The following CDH18 variants were observed in gnomAD, a reference collection of about 807,000 sequenced individuals.
The protein encoded by CDH18 is cadherin-18.
A neutral mutation model predicts 67.9 loss-of-function variants in CDH18; 31 were observed. The ratio of observed to expected loss-of-function variants is 0.46; its 90% CI spans 0.34 to 0.62. CDH18 has a LOEUF of 0.62. Ranked by LOEUF, CDH18 falls within the 20% of genes least tolerant of loss-of-function variation. The pLI, the probability that CDH18 is intolerant of heterozygous loss-of-function variation, is 0.01. For missense variants in CDH18, 890 were observed against 975.5 expected, an observed-to-expected ratio of 0.91 and a Z score of 1.17; for synonymous variants, 362 against 347.2, an observed-to-expected ratio of 1.04 and a Z score of -0.48.
intron 2 of CDH18, among the ~76,000 whole-genome samples, chr5:20,212,826 T>C (rs1482059851): frequency 6.6e-6 from 1 of 152,132 alleles, no homozygotes; most frequent in East Asian, 1.9e-4. Context: ...ATGAGGACCT[T>C]GCTCTGTATT....
chr5:20,400,915 T>C (rs992125799), intron 1 of CDH18, among the ~76,000 whole-genome samples: 6 of 152,214 alleles, frequency 3.9e-5, no homozygotes, highest in African/African-American at 1.4e-4. Flanking sequence ...TTCAGAAATG[T>C]TTTCCCTCTT....
chr5:19,584,827 G>GAAAAAGA (rs1237991766), intron 7 of CDH18, among the ~76,000 whole-genome samples: 1 of 122,020 alleles, frequency 8.2e-6, no homozygotes, highest in Non-Finnish European at 1.8e-5. Flanking sequence ...AAAAGAAAAA[G>GAAAAAGA]AAAAAGAAAA....
Position 20,549,351 on chromosome 5 carries a change from T to C in CDH18, c.-580+26111A>G, listed in dbSNP as rs561511757. On this transcript the variant is annotated intron_variant, in intron 1 of 14. Transcript: ENST00000507958. ...ACTTCTTAATAGGTAAAATACAGTTTGCAAGATCAGGTGTCTGTGTGTCTT... is the reference window on the plus strand; with the variant it reads ...ACTTCTTAATAGGTAAAATACAGTTCGCAAGATCAGGTGTCTGTGTGTCTT... 1.6e-4 allele frequency among the ~76,000 whole-genome samples: 25 copies of C among 152,292 alleles called. No homozygotes were observed. The South Asian group carries it at 4.3e-3, about 26-fold the overall frequency.
Position 20,130,037 on chromosome 5 carries a change from C to A in CDH18, c.-518+125407G>T, listed in dbSNP as rs147875286. Among the ~76,000 whole-genome samples the A allele has an allele frequency of 2.3e-3, 334 of 146,936 alleles. 3 individuals are homozygous for A. The highest frequency in any genetic ancestry group is 7.9e-3 in the African/African-American group (314 of 39,508). On this transcript the variant is annotated intron_variant, in intron 2 of 14. Transcript: ENST00000507958. ...CTAGTCTTGGTGGAAAGTACCTATACAGATAATAGATTTAGTGGCAATATT... is the reference window on the plus strand; with the variant it reads ...CTAGTCTTGGTGGAAAGTACCTATAAAGATAATAGATTTAGTGGCAATATT...
chr5:20,388,075 G>A (rs1744470783), intron 1 of CDH18, among the ~76,000 whole-genome samples: 2 of 152,240 alleles, frequency 1.3e-5, no homozygotes, highest in Admixed American at 6.5e-5. Context: ...GATGATGCTG[G>A]CCTCATAAAA....
rs970344520 is a variant in CDH18 at position 20,535,019 on chromosome 5, T to A, written c.-580+40443A>T. On this transcript the variant is annotated intron_variant, in intron 1 of 14. Transcript: ENST00000507958. The stretch of plus-strand genomic sequence containing the variant: ...ATCAATCAAGACTCCCTGATAATTA[T>A]AGCACTTTTCTCACTTCATGTTTTT... Among the ~76,000 whole-genome samples the A allele has an allele frequency of 6.6e-5, 10 of 152,192 alleles. No individual in the cohort carries two copies. In the East Asian group the frequency reaches 1.7e-3, roughly 26 times the overall value.
intron 1 of CDH18, among the ~76,000 whole-genome samples, chr5:20,532,788 C>A (rs975306772): frequency 6.6e-6 from 1 of 152,056 alleles, no homozygotes; most frequent in Non-Finnish European, 1.5e-5. Flanking sequence ...TTACAATAAT[C>A]CATTGTTTAG....
At chr5:19,704,527 A>T (rs757754364) in intron 5 of CDH18, among the ~76,000 whole-genome samples, 1 of 152,136 alleles carries the variant, frequency 6.6e-6, no homozygotes, top group African/African-American at 2.4e-5. Flanking sequence ...CTGGTATGGG[A>T]CGAGGAAAAA....
At chr5:19,533,016 A>T (rs79222773) in intron 9 of CDH18, among the ~76,000 whole-genome samples, 1 of 152,176 alleles carries the variant, frequency 6.6e-6, no homozygotes, top group African/African-American at 2.4e-5. Context: ...TATGGAATTC[A>T]GGGGAAAAAT....
At chr5:19,748,133 A>AAAAAAAAAAAAAAAAAAAAAAC (rs1770354649) in intron 3 of CDH18, among the ~76,000 whole-genome samples, 1 of 142,902 alleles carries the variant, frequency 7.0e-6, no homozygotes, top group Non-Finnish European at 1.5e-5. Flanking sequence ...AAAAAAAAAA[A>AAAAAAAAAAAAAAAAAAAAAAC]GAGTACTTTT....
intron 9 of CDH18, among the ~76,000 whole-genome samples, chr5:19,522,633 G>A (rs1222399306): frequency 4.6e-5 from 7 of 152,080 alleles, no homozygotes; most frequent in African/African-American, 7.2e-5. Flanking sequence ...GGTGGCTCAC[G>A]CCTGTAATCC....
intron 5 of CDH18, among the ~76,000 whole-genome samples, chr5:19,637,264 G>GTGTTTGAA (rs1384574187): frequency 6.7e-6 from 1 of 148,156 alleles, no homozygotes; most frequent in East Asian, 2.0e-4. Flanking sequence ...TTTGAATTAT[G>GTGTTTGAA]CATACACTGT....
chr5:20,195,507 C>T (rs1738904193), intron 2 of CDH18, among the ~76,000 whole-genome samples: 2 of 152,032 alleles, frequency 1.3e-5, no homozygotes, highest in Admixed American at 1.3e-4. Flanking sequence ...CCAGAGCCAA[C>T]ACAATAATTA....
At chr5:20,300,508 A>G (rs938251050) in intron 1 of CDH18, among the ~76,000 whole-genome samples, 13 of 152,066 alleles carry the variant, frequency 8.5e-5, no homozygotes, top group African/African-American at 2.9e-4. Flanking sequence ...TGTGGTTAGA[A>G]TTGCTTTCAA....
At chr5:20,333,555 A>G (rs975198285) in intron 1 of CDH18, among the ~76,000 whole-genome samples, 4 of 148,198 alleles carry the variant, frequency 2.7e-5, no homozygotes, top group Non-Finnish European at 6.0e-5. Context: ...ACACACATAT[A>G]TGTATATATA....
At chr5:20,391,080 C>T (rs1367940117) in intron 1 of CDH18, among the ~76,000 whole-genome samples, 1 of 151,952 alleles carries the variant, frequency 6.6e-6, no homozygotes, top group African/African-American at 2.4e-5. Context: ...CACATATATA[C>T]ATATGTAACT....
intron 2 of CDH18, among the ~76,000 whole-genome samples, chr5:20,103,295 G>T (rs1320947240): frequency 4.0e-5 from 6 of 151,414 alleles, no homozygotes; most frequent in Non-Finnish European, 8.9e-5. Flanking sequence ...CTTTCAAATA[G>T]CCTCTTGAAA....
At position 19,552,942 on chromosome 5, in the gene CDH18, T is replaced by C. The variant is rs191979945; in HGVS notation, c.1254-8937A>G. Among the ~76,000 whole-genome samples, 784 of 151,814 alleles carry C rather than the reference T, an allele frequency of 5.2e-3. 4 individuals carry two copies. The highest frequency in any genetic ancestry group is 0.018 in the African/African-American group (752 of 41,282). On this transcript the variant is annotated intron_variant, in intron 8 of 12. Coordinates refer to ENST00000382275, the MANE Select transcript of CDH18 (RefSeq NM_004934.5). Reference sequence around the variant, plus strand: ...ACCATTTCATATCTCTAGTAAATGTTTTAAAGCAATGATGAAAGTAAAAAG... The same window carrying C: ...ACCATTTCATATCTCTAGTAAATGTCTTAAAGCAATGATGAAAGTAAAAAG...
At chr5:19,971,672 A>C (rs1798029135) in intron 2 of CDH18, among the ~76,000 whole-genome samples, 2 of 152,028 alleles carry the variant, frequency 1.3e-5, no homozygotes, top group Admixed American at 1.3e-4. Flanking sequence ...GAGGAGAACA[A>C]CACACACTGG....
Sources: gnomAD v4.1 joint callset for allele counts (sites outside exome capture counted in the v4.1 genomes callset) on GRCh38, gnomAD v4.1.1 for gene constraint, MANE v1.5 for transcripts, NCBI Gene and HGNC (gene_info 2026-07-23, HGNC 2026-07-21) for gene names.